Variants in ZNF420 observed in about 807,000 individuals in gnomAD.
The protein encoded by ZNF420 is ATM and p53-associated KZNF protein.
ZNF420 carries 31 observed loss-of-function variants against 44.7 expected under a neutral mutation model. That is an observed-to-expected ratio of 0.69 (90% CI 0.52 to 0.94). ZNF420 has a LOEUF of 0.94. Among genes scored for constraint, ZNF420 ranks in the 40% least tolerant of loss-of-function variants. ZNF420 has a pLI of 0.00. For missense variants in ZNF420, 681 were observed against 827.9 expected, an observed-to-expected ratio of 0.82 and a Z score of 2.18; for synonymous variants, 245 against 267.4, an observed-to-expected ratio of 0.92 and a Z score of 0.82.
chr19:37,089,986 C>A (rs765302455), intron 3 of ZNF420, among the ~76,000 whole-genome samples: 2 of 152,034 alleles, frequency 1.3e-5, no homozygotes, highest in African/African-American at 4.8e-5. Flanking sequence ...TCAATAAATT[C>A]TTTAATTTTA....
chr19:37,100,570 G>C (rs925203330), intron 4 of ZNF420, among the ~76,000 whole-genome samples: 7 of 152,004 alleles, frequency 4.6e-5, no homozygotes, highest in South Asian at 2.1e-4. Context: ...AAAAATTGCT[G>C]GGTGTGGTGG....
At chr19:37,119,601 A>C (rs1970907559) in intron 4 of ZNF420, among the ~76,000 whole-genome samples, 2 of 152,176 alleles carry the variant, frequency 1.3e-5, no homozygotes, top group Admixed American at 6.5e-5. Flanking sequence ...AGCTAGCAGA[A>C]GGCAAGAAAT....
At chr19:37,114,232 G>C (rs1048410270) in intron 4 of ZNF420, among the ~76,000 whole-genome samples, 3 of 152,054 alleles carry the variant, frequency 2.0e-5, no homozygotes, top group Admixed American at 2.0e-4. Context: ...TCTCATAGTG[G>C]GCTGCTGAGG....
intron 4 of ZNF420, among the ~76,000 whole-genome samples, chr19:37,114,649 A>G (rs112440304): frequency 0.013 from 1,997 of 152,228 alleles, 47 homozygotes; most frequent in African/African-American, 0.045. Context: ...TGACCGAACC[A>G]TTACCGGCTC....
intron 1 of ZNF420, among the ~76,000 whole-genome samples, chr19:37,030,672 A>G (rs1423247869): frequency 6.6e-6 from 1 of 152,172 alleles, no homozygotes; most frequent in African/African-American, 2.4e-5. Flanking sequence ...ACACACACAA[A>G]TATGTATGTA....
chr19:37,047,649 T>G (rs527527353), intron 1 of ZNF420, among the ~76,000 whole-genome samples: 1 of 152,352 alleles, frequency 6.6e-6, no homozygotes, highest in South Asian at 2.1e-4. Context: ...CTTCGTAATA[T>G]CTCTTACTTT....
chr19:37,022,667 C>G (rs149270073), intron 1 of ZNF420, among the ~76,000 whole-genome samples: 253 of 152,216 alleles, frequency 1.7e-3, no homozygotes, highest in African/African-American at 5.9e-3. Flanking sequence ...ATTTATTGAA[C>G]ATAACAGTAC....
At chr19:37,061,851 A>G (rs10407014) in intron 1 of ZNF420, among the ~76,000 whole-genome samples, 24,675 of 152,190 alleles carry the variant, frequency 0.16, 2,126 homozygotes, top group African/African-American at 0.23. Context: ...GAAATCACCA[A>G]GACTTGGGTC....
chr19:37,034,972 A>G (rs1465849461), intron 1 of ZNF420, among the ~76,000 whole-genome samples: 6 of 152,214 alleles, frequency 3.9e-5, no homozygotes, highest in Non-Finnish European at 8.8e-5. Flanking sequence ...ATAGGGTGGT[A>G]AGAACCCTGG....
At chr19:37,092,419 T>G (rs1969202018) in intron 4 of ZNF420, 1 of 152,022 alleles carries the variant, frequency 6.6e-6, no homozygotes, top group African/African-American at 2.4e-5. Flanking sequence ...ATATTACATA[T>G]TAAGAACTTT....
intron 4 of ZNF420, among the ~76,000 whole-genome samples, chr19:37,094,533 TAA>T (rs1969330501): frequency 6.6e-6 from 1 of 152,204 alleles, no homozygotes; most frequent in Non-Finnish European, 1.5e-5. Context: ...TGATGGATAC[TAA>T]AACATATTTA....
chr19:37,087,805 C>G (rs780227648), intron 2 of ZNF420, among the ~76,000 whole-genome samples: 4 of 152,174 alleles, frequency 2.6e-5, no homozygotes, highest in Non-Finnish European at 5.9e-5. Context: ...GCCACCACAC[C>G]CGGCTAATTT....
chr19:37,110,348 A>AT (rs1056694272), intron 4 of ZNF420, among the ~76,000 whole-genome samples: 3 of 152,056 alleles, frequency 2.0e-5, no homozygotes. Flanking sequence ...GTTGTACAAT[A>AT]TTTTTTGCCT....
intron 4 of ZNF420, among the ~76,000 whole-genome samples, chr19:37,114,331 G>A (rs369663559): frequency 6.6e-6 from 1 of 152,222 alleles, no homozygotes; most frequent in African/African-American, 2.4e-5. Flanking sequence ...TTCGGCTGGC[G>A]GCCAGTATTG....
chr19:37,107,908 C>G (rs989493370), intron 4 of ZNF420, among the ~76,000 whole-genome samples: 7 of 152,010 alleles, frequency 4.6e-5, no homozygotes, highest in Non-Finnish European at 1.0e-4. Flanking sequence ...ATTATCTTTT[C>G]TTCCCTGTAG....
At chr19:37,021,955 A>G (rs1490272903) in intron 1 of ZNF420, among the ~76,000 whole-genome samples, 1 of 149,796 alleles carries the variant, frequency 6.7e-6, no homozygotes, top group Non-Finnish European at 1.5e-5. Context: ...AAAAAAAAAA[A>G]AAAAAAAAGA....
rs1420719390 is a variant in ZNF420, at chr19:37,127,794, T to A, written c.803T>A (p.Leu268Gln). The stretch of plus-strand genomic sequence containing the variant: ...TTTACTCAGAATTCACAACTTACAC[T>A]ACACCAGAGACTTCATACTGGTGAA... ...KAFTQNSQLTLHQRLHTGEKL... is the reference protein window; with the variant it reads ...KAFTQNSQLTQHQRLHTGEKL... Residue 268 changes from leucine to glutamine, a missense_variant, in exon 5 of 5, where the codon CTA (leucine) becomes CAA (glutamine). Leu to Gln is a moderately radical substitution (Grantham distance 113, BLOSUM62 -2). This residue lies in a region of ZNF420 where 350 missense variants were observed against 382.5 expected (regional missense o/e 0.92). Coordinates refer to ENST00000337995, the MANE Select transcript of ZNF420 (RefSeq NM_144689.5). 3 of 1,611,986 alleles carry A rather than the reference T, an allele frequency of 1.9e-6. No homozygotes were observed. In the Admixed American group the frequency reaches 5.0e-5, roughly 27 times the overall value.
chr19:37,093,520 A>G (rs576568342), intron 4 of ZNF420, among the ~76,000 whole-genome samples: 1 of 152,266 alleles, frequency 6.6e-6, no homozygotes, highest in South Asian at 2.1e-4. Flanking sequence ...CACCCGGCCA[A>G]GAACTCACTC....
At chr19:37,067,592 T>C (rs1438323811) in intron 1 of ZNF420, among the ~76,000 whole-genome samples, 1 of 152,244 alleles carries the variant, frequency 6.6e-6, no homozygotes, top group Non-Finnish European at 1.5e-5. Flanking sequence ...AATACAAAAC[T>C]ATCAACTTAT....
Sources: gnomAD v4.1 joint callset for allele counts (sites outside exome capture counted in the v4.1 genomes callset) on GRCh38, gnomAD v4.1.1 for gene constraint, gnomAD v4.1.1 regional missense constraint, MANE v1.5 for transcripts, NCBI Gene and HGNC (gene_info 2026-07-23, HGNC 2026-07-21) for gene names.